The following SHISA9 variants were observed in gnomAD, a reference collection of about 807,000 sequenced individuals.
SHISA9 encodes the protein shisa family member 9.
A neutral mutation model predicts 38.0 loss-of-function variants in SHISA9; 13 were observed. The observed-to-expected ratio is 0.34, with a 90% CI of 0.22 to 0.54. SHISA9 has a LOEUF of 0.54. Ranked by LOEUF, SHISA9 falls within the 20% of genes least tolerant of loss-of-function variation. The probability of loss-of-function intolerance (pLI) is 0.91; values close to 1 mark genes in which losing one functional copy is unlikely to be tolerated. For synonymous variants in SHISA9, 275 were observed against 242.0 expected, an observed-to-expected ratio of 1.14 and a Z score of -1.27; for missense variants, 538 against 575.8, an observed-to-expected ratio of 0.93 and a Z score of 0.67.
At chr16:13,096,461 G>A (rs536003622) in intron 2 of SHISA9, among the ~76,000 whole-genome samples, 134 of 152,276 alleles carry the variant, frequency 8.8e-4, no homozygotes, top group Non-Finnish European at 1.5e-3. Context: ...CACAGAGGGA[G>A]GCATTCAACC....
chr16:13,117,639 C>T (rs945582489), intron 2 of SHISA9, among the ~76,000 whole-genome samples: 3 of 152,164 alleles, frequency 2.0e-5, no homozygotes, highest in Non-Finnish European at 4.4e-5. Flanking sequence ...GATCCTGGAG[C>T]CACCAGAAGC....
chr16:12,930,514 T>C (rs538835485), intron 2 of SHISA9, among the ~76,000 whole-genome samples: 189 of 152,356 alleles, frequency 1.2e-3, no homozygotes, highest in African/African-American at 4.3e-3. Context: ...TTTCCTCCTT[T>C]TCATTTCTTT....
At chr16:12,958,221 G>A (rs1281124024) in intron 2 of SHISA9, among the ~76,000 whole-genome samples, 2 of 152,204 alleles carry the variant, frequency 1.3e-5, no homozygotes, top group Non-Finnish European at 1.5e-5. Flanking sequence ...CTTAAAGGTA[G>A]TGCGGTATTC....
the SHISA9 span, among the ~76,000 whole-genome samples, chr16:13,517,293 T>G: frequency 1.3e-5 from 2 of 152,214 alleles, no homozygotes; most frequent in Admixed American, 1.3e-4. Flanking sequence ...GGAACTACCC[T>G]GAAGATACCT....
chr16:13,154,480 G>T (rs896456026), intron 2 of SHISA9, among the ~76,000 whole-genome samples: 9 of 152,310 alleles, frequency 5.9e-5, no homozygotes, highest in Non-Finnish European at 1.0e-4. Flanking sequence ...CCTCCATCAT[G>T]GTGATGGGTA....
chr16:13,511,629 T>A, the SHISA9 span, among the ~76,000 whole-genome samples: 2 of 152,164 alleles, frequency 1.3e-5, no homozygotes, highest in African/African-American at 4.8e-5. Context: ...AAATTGCCTC[T>A]ACTTATTACT....
chr16:13,476,684 C>CCT, the SHISA9 span, among the ~76,000 whole-genome samples: 4 of 151,496 alleles, frequency 2.6e-5, no homozygotes, highest in Non-Finnish European at 5.9e-5. Context: ...CCACTTAGCC[C>CCT]CTCTTGTTCT....
the SHISA9 span, among the ~76,000 whole-genome samples, chr16:13,554,378 T>C: frequency 6.6e-6 from 1 of 151,846 alleles, no homozygotes; most frequent in Admixed American, 6.5e-5. Context: ...AGAGGACTTA[T>C]ATGCTACAAG....
intron 2 of SHISA9, among the ~76,000 whole-genome samples, chr16:13,182,441 C>T (rs779007512): frequency 3.9e-5 from 6 of 152,184 alleles, no homozygotes; most frequent in Non-Finnish European, 5.9e-5. Context: ...CAGCAGGTCT[C>T]AGTGTATCCA....
chr16:13,028,433 C>T (rs944912434), intron 2 of SHISA9, among the ~76,000 whole-genome samples: 3 of 151,914 alleles, frequency 2.0e-5, no homozygotes, highest in African/African-American at 4.8e-5. Flanking sequence ...GGAGGCCTCA[C>T]AATCATGGTG....
intron 1 of SHISA9, among the ~76,000 whole-genome samples, chr16:12,906,216 C>T (rs910894029): frequency 6.6e-6 from 1 of 152,238 alleles, no homozygotes; most frequent in Non-Finnish European, 1.5e-5. Context: ...TTGTCTGGAG[C>T]TGCAAGGGAC....
the SHISA9 span, among the ~76,000 whole-genome samples, chr16:13,555,885 A>T: frequency 1.3e-5 from 2 of 152,208 alleles, no homozygotes; most frequent in African/African-American, 4.8e-5. Flanking sequence ...TTGGGGAATC[A>T]AATCTTATCT....
chr16:12,913,785 C>T (rs761732470), intron 1 of SHISA9, among the ~76,000 whole-genome samples: 60 of 152,112 alleles, frequency 3.9e-4, no homozygotes, highest in Non-Finnish European at 1.9e-4. Context: ...TGTATCTGGC[C>T]TCTTTCACGG....
intron 2 of SHISA9, among the ~76,000 whole-genome samples, chr16:13,044,640 G>A (rs2073166794): frequency 6.6e-6 from 1 of 152,190 alleles, no homozygotes. Flanking sequence ...AAGGACAGAT[G>A]AGGAGGTTGC....
At chr16:13,010,517 T>G (rs1297519262) in intron 2 of SHISA9, among the ~76,000 whole-genome samples, 1 of 152,240 alleles carries the variant, frequency 6.6e-6, no homozygotes, top group Non-Finnish European at 1.5e-5. Context: ...AGCTGAGATC[T>G]CAGGTACATA....
intron 2 of SHISA9, among the ~76,000 whole-genome samples, chr16:13,136,729 A>T (rs917749022): frequency 2.0e-5 from 3 of 152,100 alleles, no homozygotes; most frequent in Non-Finnish European, 4.4e-5. Flanking sequence ...TAGTCTGATC[A>T]CTTCACCTGA....
chr16:13,256,064 A>G, the SHISA9 span, among the ~76,000 whole-genome samples: 1 of 152,132 alleles, frequency 6.6e-6, no homozygotes, highest in African/African-American at 2.4e-5. Flanking sequence ...CAGTTAGGCT[A>G]TTGGAAGTTC....
Position 12,987,946 on chromosome 16 carries a change from C to T in SHISA9, c.691+71131C>T, listed in dbSNP as rs541513623. Reference sequence around the variant, plus strand: ...TAGTATGTAAAGAAGCCATAATTCACCCCAGGGGGCTGGTCTCCAGTGTTC... The same window carrying T: ...TAGTATGTAAAGAAGCCATAATTCATCCCAGGGGGCTGGTCTCCAGTGTTC... On this transcript the variant is annotated intron_variant, in intron 2 of 4. Transcript: ENST00000558583. 2.3e-3 allele frequency among the ~76,000 whole-genome samples: 345 copies of T among 152,286 alleles called. 2 individuals are homozygous for T. The highest frequency in any genetic ancestry group is 7.6e-3 in the African/African-American group (315 of 41,536).
intron 4 of SHISA9, among the ~76,000 whole-genome samples, chr16:13,219,043 C>T (rs570663825): frequency 6.6e-6 from 1 of 152,306 alleles, no homozygotes; most frequent in East Asian, 1.9e-4. Context: ...AAATCAAATC[C>T]TACTCGCTCC....
Sources: gnomAD v4.1 joint callset for allele counts (sites outside exome capture counted in the v4.1 genomes callset) on GRCh38, gnomAD v4.1.1 for gene constraint, MANE v1.5 for transcripts, NCBI Gene and HGNC (gene_info 2026-07-23, HGNC 2026-07-21) for gene names.